Variants in GPR39 observed in about 807,000 individuals in gnomAD.
GPR39 encodes the protein zinc sensing receptor.
In GPR39, 23 loss-of-function variants were observed where a neutral mutation model predicts 18.4. That is an observed-to-expected ratio of 1.25 (90% CI 0.90 to 1.77). The LOEUF (loss-of-function observed/expected upper bound fraction) is 1.77, where lower values mean the gene tolerates loss of function less well. GPR39 is among the 40% of genes most tolerant of loss of function. The pLI, the probability that GPR39 is intolerant of heterozygous loss-of-function variation, is 0.00. For missense variants in GPR39, 647 were observed against 602.4 expected (o/e 1.07, Z -0.78); for synonymous variants, 280 against 257.9 (o/e 1.09, Z -0.82).
chr2:132,634,522 T>A (rs1260878194), intron 1 of GPR39, among the ~76,000 whole-genome samples: 1 of 152,166 alleles, frequency 6.6e-6, no homozygotes, highest in Admixed American at 6.5e-5. Flanking sequence ...AATCCTTTCC[T>A]GTGACAACCC....
chr2:132,570,192 T>G (rs947735359), intron 1 of GPR39, among the ~76,000 whole-genome samples: 3 of 152,084 alleles, frequency 2.0e-5, no homozygotes, highest in Admixed American at 6.5e-5. Context: ...GTTTCCTCCT[T>G]TCTTTCTTCC....
At chr2:132,637,415 G>GT (rs1681781941) in intron 1 of GPR39, among the ~76,000 whole-genome samples, 1 of 152,230 alleles carries the variant, frequency 6.6e-6, no homozygotes, top group African/African-American at 2.4e-5. Flanking sequence ...TGGGGAGAGA[G>GT]TTCTTTCCTG....
rs781570017 is a variant in GPR39 at position 132,417,622 on chromosome 2, T to A, written c.580T>A (p.Ser194Thr). 11 of 1,613,880 alleles carry A rather than the reference T, an allele frequency of 6.8e-6. No homozygotes were observed. Among genetic ancestry groups the A allele is most frequent in the Non-Finnish European group, 9.3e-6 (11 of 1,180,004 alleles). Residue 194 changes from serine (S) to threonine (T), a missense_variant, in exon 1 of 2, where the codon TCC (serine) becomes ACC (threonine). Coordinates refer to ENST00000329321, the MANE Select transcript of GPR39 (RefSeq NM_001508.3). ...CCACCGGGGTCTCACTTGCAACCGCTCCAGCACCCGCCACCACGAGCAGCC... is the reference window on the plus strand; with the variant it reads ...CCACCGGGGTCTCACTTGCAACCGCACCAGCACCCGCCACCACGAGCAGCC... The part of the protein sequence containing the change: ...PSHRGLTCNR[S>T]STRHHEQPET...
chr2:132,584,035 G>T (rs1265967415), intron 1 of GPR39, among the ~76,000 whole-genome samples: 1 of 152,052 alleles, frequency 6.6e-6, no homozygotes, highest in Non-Finnish European at 1.5e-5. Context: ...GAAAGTCAAA[G>T]AATTTCATAA....
intron 1 of GPR39, among the ~76,000 whole-genome samples, chr2:132,466,936 C>T (rs914726072): frequency 1.3e-5 from 2 of 152,116 alleles, no homozygotes; most frequent in Non-Finnish European, 2.9e-5. Context: ...ATTTCTCCTG[C>T]GTGACAAGGT....
chr2:132,417,817 GGGGGCACGCGGC>G lies in GPR39; in HGVS notation c.776_787del (p.Gly259_Pro263delinsAla). 1 of 1,613,718 alleles carries G rather than the reference GGGGGCACGCGGC, an allele frequency of 6.2e-7. No homozygotes were observed. The highest frequency in any genetic ancestry group is 8.5e-7 in the Non-Finnish European group (1 of 1,180,022). On this transcript the variant is annotated inframe_deletion, in exon 1 of 2. Coordinates refer to ENST00000329321, the MANE Select transcript of GPR39 (RefSeq NM_001508.3). ...GAAAAGCCAGAAGGGCTCGCTGGCC[GGGGGCACGCGGC>G]CTCCGCAGCTGAGGAAGTCCGAGAG...
At chr2:132,486,494 C>T (rs1031795103) in intron 1 of GPR39, among the ~76,000 whole-genome samples, 2 of 152,212 alleles carry the variant, frequency 1.3e-5, no homozygotes, top group Non-Finnish European at 2.9e-5. Context: ...TTTAGTGTAG[C>T]CACCTTCATC....
At chr2:132,434,938 G>C (rs550543083) in intron 1 of GPR39, among the ~76,000 whole-genome samples, 258 of 152,280 alleles carry the variant, frequency 1.7e-3, no homozygotes, top group Non-Finnish European at 2.8e-3. Flanking sequence ...ACGGAGATGA[G>C]TGCTTCCAAA....
intron 1 of GPR39, among the ~76,000 whole-genome samples, chr2:132,489,594 A>G (rs1463880650): frequency 1.3e-5 from 2 of 152,012 alleles, no homozygotes; most frequent in African/African-American, 4.8e-5. Flanking sequence ...CCGGGTAAGG[A>G]AAACCTTGGG....
chr2:132,643,669 A>G (rs1681914289), intron 1 of GPR39, among the ~76,000 whole-genome samples: 1 of 152,170 alleles, frequency 6.6e-6, no homozygotes, highest in South Asian at 2.1e-4. Context: ...GTGTGTATGT[A>G]CCACCATGCC....
chr2:132,533,593 C>T (rs1679683729), intron 1 of GPR39, among the ~76,000 whole-genome samples: 1 of 152,090 alleles, frequency 6.6e-6, no homozygotes, highest in South Asian at 2.1e-4. Context: ...TGACTTCAAA[C>T]TATATTACAA....
chr2:132,568,802 C>T (rs993687046), intron 1 of GPR39, among the ~76,000 whole-genome samples: 1 of 152,090 alleles, frequency 6.6e-6, no homozygotes, highest in Non-Finnish European at 1.5e-5. Flanking sequence ...TGATAGCATG[C>T]CCTGCTAAAC....
At chr2:132,565,878 C>A (rs934539637) in intron 1 of GPR39, among the ~76,000 whole-genome samples, 328 of 151,350 alleles carry the variant, frequency 2.2e-3, no homozygotes, top group African/African-American at 6.9e-3. Flanking sequence ...CATGTGTCTT[C>A]ATAGCAGCAT....
chr2:132,500,092 T>G (rs1001239613), intron 1 of GPR39, among the ~76,000 whole-genome samples: 1 of 152,204 alleles, frequency 6.6e-6, no homozygotes, highest in Non-Finnish European at 1.5e-5. Flanking sequence ...CTTGTCTGAT[T>G]GCTCTGGCTA....
At chr2:132,543,909 G>A (rs1679899786) in intron 1 of GPR39, among the ~76,000 whole-genome samples, 1 of 152,156 alleles carries the variant, frequency 6.6e-6, no homozygotes, top group African/African-American at 2.4e-5. Flanking sequence ...CAAGGCAGGG[G>A]TACATTTCAG....
At chr2:132,617,170 CTTGGA>C (rs1206755950) in intron 1 of GPR39, among the ~76,000 whole-genome samples, 2 of 150,956 alleles carry the variant, frequency 1.3e-5, no homozygotes, top group African/African-American at 2.4e-5. Context: ...ATGATGGATA[CTTGGA>C]TTGGACTGAT....
At chr2:132,513,536 C>A (rs1404131470) in intron 1 of GPR39, among the ~76,000 whole-genome samples, 1 of 151,372 alleles carries the variant, frequency 6.6e-6, no homozygotes, top group East Asian at 1.9e-4. Flanking sequence ...GAATTAATGG[C>A]GGCAGCTTGG....
chr2:132,439,848 G>GT (rs1265616473), intron 1 of GPR39, among the ~76,000 whole-genome samples: 1 of 152,170 alleles, frequency 6.6e-6, no homozygotes, highest in African/African-American at 2.4e-5. Flanking sequence ...TTTGCTGCTT[G>GT]TTTTTTAAAG....
chr2:132,501,750 G>A (rs1679041342), intron 1 of GPR39, among the ~76,000 whole-genome samples: 1 of 151,930 alleles, frequency 6.6e-6, no homozygotes, highest in Admixed American at 6.6e-5. Context: ...TATAAATTTG[G>A]GATCACCAGT....
Sources: allele counts gnomAD v4.1 joint callset (sites outside exome capture counted in the v4.1 genomes callset), GRCh38; gene constraint gnomAD v4.1.1; transcripts MANE v1.5; gene names NCBI Gene and HGNC (gene_info 2026-07-23, HGNC 2026-07-21).